COL13A1: variants seen among roughly 807,000 people sequenced by gnomAD.
COL13A1 encodes the protein collagen alpha-1(XIII) chain.
COL13A1 carries 89 observed loss-of-function variants against 130.9 expected under a neutral mutation model. The ratio of observed to expected loss-of-function variants is 0.68; its 90% CI spans 0.57 to 0.81. The LOEUF (loss-of-function observed/expected upper bound fraction) is 0.81. COL13A1 is among the 30% of genes least tolerant of loss of function. COL13A1 has a pLI of 0.00. For missense variants in COL13A1, 879 were observed against 934.6 expected (o/e 0.94, Z 0.78); for synonymous variants, 402 against 341.6 (o/e 1.18, Z -1.95).
chr10:69,959,003 C>A lies in COL13A1; in HGVS notation c.*302C>A. 1 of 364,676 alleles carries A rather than the reference C, an allele frequency of 2.7e-6. No individual in the cohort carries two copies. Among genetic ancestry groups the A allele is most frequent in the Non-Finnish European group, 5.0e-6 (1 of 201,230 alleles). 22.6% of individuals were successfully genotyped at this position (364,676 alleles called of 1,614,324 possible). A position where few individuals can be genotyped will look rare whatever the true frequency, so the allele number is the denominator to read the frequency against. On this transcript the variant is annotated 3_prime_UTR_variant, in exon 41 of 41. Transcript: ENST00000645393. ...TATTGTGTCCTGGTGCCAAAGGGGG[C>A]CAGCCAGAACTGAGGTGCTGGCTAG...
Position 69,930,551 on chromosome 10 carries a change from C to T in COL13A1, c.1682C>T (p.Pro561Leu), listed in dbSNP as rs201459030. The T allele has an allele frequency of 3.0e-5, 49 of 1,612,164 alleles. No individual in the cohort carries two copies. The highest frequency in any genetic ancestry group is 1.7e-4 in the African/African-American group (13 of 74,820). Residue 561 changes from proline (P) to leucine (L), a missense_variant and splice_region_variant, in exon 30 of 41, where the codon CCG becomes CTG. Pro to Leu is a moderately conservative substitution (Grantham distance 98). Around this residue, in one of 3 missense-constraint regions of COL13A1, gnomAD observed 715 missense variants for 721.0 expected, o/e 0.99. Transcript: ENST00000645393. ...GGGGAGACAGGACAAGCAGGCTCAC[C>T]GGTGAGTGGCAGGGCTGGCTGCCCT... The part of the protein sequence containing the change: ...EKGETGQAGS[P>L]GEKGEAGEKG...
rs904548695 is a variant in COL13A1, at chr10:69,889,343, C to T, written c.577-71C>T. The T allele has an allele frequency of 9.9e-6, 15 of 1,520,334 alleles. No individual in the cohort carries two copies. In the Admixed American group the frequency reaches 2.5e-4, roughly 25 times the overall value. The allele number at this position is 1,520,334 out of a possible 1,614,324, so 94.2% of individuals were successfully genotyped here. A position where few individuals can be genotyped will look rare whatever the true frequency, so the allele number is the denominator to read the frequency against. ...GAGGAGCACAGGGGGCAGGGAGGAGCATGAAGGACAGAGGGTGGAACTTCT... is the reference window on the plus strand; with the variant it reads ...GAGGAGCACAGGGGGCAGGGAGGAGTATGAAGGACAGAGGGTGGAACTTCT... On this transcript the variant is annotated intron_variant, in intron 9 of 40. Coordinates refer to ENST00000645393, the MANE Select transcript of COL13A1 (RefSeq NM_001368882.1).
At chr10:69,917,647 G>A (rs898285585) in intron 18 of COL13A1, among the ~76,000 whole-genome samples, 2 of 150,838 alleles carry the variant, frequency 1.3e-5, no homozygotes, top group East Asian at 3.9e-4. Context: ...GGCACTTTGG[G>A]CATCATCTAT....
At chr10:69,839,564 A>G (rs937299800) in intron 2 of COL13A1, among the ~76,000 whole-genome samples, 5 of 152,218 alleles carry the variant, frequency 3.3e-5, no homozygotes, top group African/African-American at 1.2e-4. Context: ...CGCAGAGCTA[A>G]CAGATGATCC....
intron 2 of COL13A1, among the ~76,000 whole-genome samples, chr10:69,839,101 G>C (rs1331206087): frequency 6.6e-6 from 1 of 152,220 alleles, no homozygotes; most frequent in Non-Finnish European, 1.5e-5. Flanking sequence ...CTGCAATCTG[G>C]ATGTGTCAGC....
chr10:69,830,583 G>T (rs192288831), intron 2 of COL13A1, among the ~76,000 whole-genome samples: 2 of 147,468 alleles, frequency 1.4e-5, no homozygotes, highest in Admixed American at 1.4e-4. Flanking sequence ...TAGTAAACAC[G>T]TAAAGAAATG....
At chr10:69,838,480 G>A (rs188510621) in intron 2 of COL13A1, among the ~76,000 whole-genome samples, 2 of 152,336 alleles carry the variant, frequency 1.3e-5, no homozygotes, top group African/African-American at 4.8e-5. Context: ...GGAGATGTAT[G>A]TAAAGCACGT....
intron 22 of COL13A1, 130 bp downstream of exon 22, chr10:69,922,065 ACAGCCAGATT>A: frequency 2.5e-6 from 3 of 1,203,292 alleles, no homozygotes; most frequent in East Asian, 2.6e-5. Flanking sequence ...CAGCTGGAAC[ACAGCCAGATT>A]CTGTTTGTCG....
chr10:69,958,429 CAACA>C (rs1345669583), intron 40 of COL13A1, among the ~76,000 whole-genome samples: 1 of 152,178 alleles, frequency 6.6e-6, no homozygotes, highest in African/African-American at 2.4e-5. Context: ...GCAGTGGTTA[CAACA>C]ATCAGGCCTC....
At chr10:69,926,959 C>T in intron 26 of COL13A1, 128 bp from the exon 27 acceptor site, 1 of 1,283,920 alleles carries the variant, frequency 7.8e-7, no homozygotes, top group East Asian at 2.4e-5. Flanking sequence ...AGCCCACCTG[C>T]AAGCGTCTCC....
rs973564690 is a variant in COL13A1, at chr10:69,848,442, A to G, written c.365-19356A>G. Among the ~76,000 whole-genome samples, 71 of 152,184 alleles carry G rather than the reference A, an allele frequency of 4.7e-4. 1 individual carries two copies. The highest frequency in any genetic ancestry group is 4.6e-4 in the Admixed American group (7 of 15,284). On this transcript the variant is annotated intron_variant, in intron 2 of 40. Coordinates refer to ENST00000645393, the MANE Select transcript of COL13A1 (RefSeq NM_001368882.1). Reference sequence around the variant, plus strand: ...TATAAAGAGACTGAGGCTCAGAGAAATTAAAAGAAACTTGCCTGGGGCTCT... The same window carrying G: ...TATAAAGAGACTGAGGCTCAGAGAAGTTAAAAGAAACTTGCCTGGGGCTCT...
At chr10:69,890,767 G>A (rs1364236032) in intron 10 of COL13A1, among the ~76,000 whole-genome samples, 2 of 152,216 alleles carry the variant, frequency 1.3e-5, no homozygotes, top group East Asian at 1.9e-4. Flanking sequence ...TTTGCCACGT[G>A]GTTGGCACTG....
At chr10:69,871,068 C>G (rs765098090) in intron 3 of COL13A1, among the ~76,000 whole-genome samples, 1 of 152,086 alleles carries the variant, frequency 6.6e-6, no homozygotes, top group African/African-American at 2.4e-5. Flanking sequence ...AGGTTGGACC[C>G]TCCTCACCCT....
chr10:69,833,384 C>T (rs1227762), intron 2 of COL13A1, among the ~76,000 whole-genome samples: 98,625 of 152,096 alleles, frequency 0.65, 32,309 homozygotes, highest in African/African-American at 0.71. Flanking sequence ...GGACTGCCTA[C>T]GTGCTCTTTA....
chr10:69,871,554 G>T (rs990631696), intron 3 of COL13A1, among the ~76,000 whole-genome samples: 2 of 152,152 alleles, frequency 1.3e-5, no homozygotes, highest in African/African-American at 2.4e-5. Context: ...ACGTTAGAAG[G>T]GTTGACTTAC....
intron 39 of COL13A1, among the ~76,000 whole-genome samples, chr10:69,954,568 A>T (rs1292523611): frequency 6.6e-6 from 1 of 152,224 alleles, no homozygotes; most frequent in African/African-American, 2.4e-5. Flanking sequence ...GAAGGGCATG[A>T]TTACAGAGTA....
At chr10:69,900,600 T>A (rs1163157221) in intron 14 of COL13A1, among the ~76,000 whole-genome samples, 3 of 152,228 alleles carry the variant, frequency 2.0e-5, no homozygotes, top group Non-Finnish European at 4.4e-5. Context: ...CCATTTCTTA[T>A]CAATAAACCA....
chr10:69,952,191 G>A (rs1200116244), intron 38 of COL13A1, among the ~76,000 whole-genome samples: 1 of 152,166 alleles, frequency 6.6e-6, no homozygotes, highest in Non-Finnish European at 1.5e-5. Flanking sequence ...GAGCACAAGG[G>A]GCCATCCGTG....
At chr10:69,829,200 T>G (rs971526109) in intron 2 of COL13A1, 1 of 984,630 alleles carries the variant, frequency 1.0e-6, no homozygotes, top group Non-Finnish European at 1.2e-6. Flanking sequence ...ACTCTGTCAA[T>G]TTCCTCCACC....
Sources: allele counts gnomAD v4.1 joint callset (sites outside exome capture counted in the v4.1 genomes callset), GRCh38; gene constraint gnomAD v4.1.1; regional missense constraint gnomAD v4.1.1; transcripts MANE v1.5; gene names NCBI Gene and HGNC (gene_info 2026-07-23, HGNC 2026-07-21).